DPP10: variants seen among roughly 807,000 people sequenced by gnomAD.
DPP10 encodes dipeptidyl peptidase like 10, also known as inactive dipeptidyl peptidase 10.
In DPP10, 33 loss-of-function variants were observed where a neutral mutation model predicts 120.9. That is an observed-to-expected ratio of 0.27 (90% confidence interval 0.21 to 0.37). The LOEUF (loss-of-function observed/expected upper bound fraction) is 0.37. Ranked by LOEUF, DPP10 falls within the 10% of genes least tolerant of loss-of-function variation. The probability of loss-of-function intolerance (pLI) is 1.00; values close to 1 mark genes in which losing one functional copy is unlikely to be tolerated. For missense variants in DPP10, 816 were observed against 942.8 expected (o/e 0.87, Z 1.76); for synonymous variants, 337 against 326.1 (o/e 1.03, Z -0.36).
intron 5 of DPP10, among the ~76,000 whole-genome samples, chr2:115,531,317 A>G (rs1265056731): frequency 7.2e-5 from 11 of 152,018 alleles, no homozygotes; most frequent in Admixed American, 7.2e-4. Flanking sequence ...AGTGATTCTG[A>G]TGCATTCAAG....
chr2:115,590,998 CACT>C (rs2082625706), intron 5 of DPP10, among the ~76,000 whole-genome samples: 1 of 152,110 alleles, frequency 6.6e-6, no homozygotes, highest in Non-Finnish European at 1.5e-5. Context: ...ATCCTTTGCC[CACT>C]TCTTGATGGG....
chr2:114,900,801 T>A (rs1693498596), intron 1 of DPP10, among the ~76,000 whole-genome samples: 1 of 152,224 alleles, frequency 6.6e-6, no homozygotes, highest in African/African-American at 2.4e-5. Context: ...CAAAATACTA[T>A]CTATGTAATC....
chr2:115,797,298 G>C (rs1167021596), intron 19 of DPP10, among the ~76,000 whole-genome samples: 1 of 151,926 alleles, frequency 6.6e-6, no homozygotes, highest in Non-Finnish European at 1.5e-5. Context: ...TTGTTTCATA[G>C]ATTCCTAGGG....
At chr2:115,703,007 G>A (rs536916425) in intron 7 of DPP10, among the ~76,000 whole-genome samples, 5 of 151,940 alleles carry the variant, frequency 3.3e-5, no homozygotes, top group African/African-American at 4.8e-5. Context: ...ATTGTAGAAC[G>A]TTTTGAAATT....
chr2:114,722,775 C>CAAAA (rs61497158), intron 1 of DPP10, among the ~76,000 whole-genome samples: 8 of 55,852 alleles, frequency 1.4e-4, no homozygotes, highest in Admixed American at 5.6e-4. Context: ...GGCTCTGTCT[C>CAAAA]AAAAAAAAAA....
At chr2:115,833,485 A>G (rs1689137169) in intron 21 of DPP10, among the ~76,000 whole-genome samples, 1 of 152,198 alleles carries the variant, frequency 6.6e-6, no homozygotes, top group South Asian at 2.1e-4. Context: ...TCTAGGGACA[A>G]CACTTTCAAG....
intron 1 of DPP10, among the ~76,000 whole-genome samples, chr2:115,057,978 AAG>A (rs949590529): frequency 8.5e-5 from 13 of 152,338 alleles, no homozygotes; most frequent in African/African-American, 3.1e-4. Flanking sequence ...AAGAAGGGCA[AAG>A]ATTGCCAAAG....
intron 1 of DPP10, among the ~76,000 whole-genome samples, chr2:115,142,903 G>C (rs764274627): frequency 2.6e-5 from 4 of 152,110 alleles, no homozygotes; most frequent in East Asian, 1.9e-4. Flanking sequence ...GCTGCTGCTG[G>C]TGGTGGTGGG....
chr2:115,621,048 A>G (rs749055538), intron 5 of DPP10, among the ~76,000 whole-genome samples: 7 of 152,216 alleles, frequency 4.6e-5, no homozygotes, highest in Admixed American at 3.9e-4. Flanking sequence ...CTGGGGATAG[A>G]AAGATCATGA....
chr2:114,535,524 T>C (rs1248771863), intron 1 of DPP10, among the ~76,000 whole-genome samples: 1 of 152,182 alleles, frequency 6.6e-6, no homozygotes, highest in Non-Finnish European at 1.5e-5. Context: ...TTATACACTT[T>C]TTCTTCTTCT....
intron 1 of DPP10, among the ~76,000 whole-genome samples, chr2:114,639,757 T>C (rs1573858813): frequency 6.6e-6 from 1 of 152,138 alleles, no homozygotes; most frequent in South Asian, 2.1e-4. Flanking sequence ...CTTCAAAAGA[T>C]ACTAGACAAT....
At chr2:115,256,791 T>G (rs6758309) in intron 1 of DPP10, among the ~76,000 whole-genome samples, 9,334 of 152,334 alleles carry the variant, frequency 0.061, 337 homozygotes, top group Middle Eastern at 0.11. Context: ...TTTTACACTC[T>G]TCTTCCTTCT....
chr2:114,877,221 A>G (rs951832639), intron 1 of DPP10, among the ~76,000 whole-genome samples: 11 of 152,090 alleles, frequency 7.2e-5, no homozygotes, highest in African/African-American at 2.7e-4. Flanking sequence ...ATGTGTGCAT[A>G]TTCTAAATTC....
At position 115,207,648 on chromosome 2, in the gene DPP10, G is replaced by T. The variant is rs541536878; in HGVS notation, c.61-101591G>T. On this transcript the variant is annotated intron_variant, in intron 1 of 25. Coordinates refer to ENST00000410059, the MANE Select transcript of DPP10 (RefSeq NM_020868.6). Reference sequence around the variant, plus strand: ...AGCATGTCCCTGTGATGCCACAGAGGGAAACTCAGTGAGACTAGAGCAGAG... The same window carrying T: ...AGCATGTCCCTGTGATGCCACAGAGTGAAACTCAGTGAGACTAGAGCAGAG... Among the ~76,000 whole-genome samples, 9 of 152,252 alleles carry T rather than the reference G, an allele frequency of 5.9e-5. 2 individuals are homozygous for T. In the South Asian group the frequency reaches 1.9e-3, roughly 32 times the overall value.
chr2:115,646,242 G>A (rs2087245860), intron 5 of DPP10, among the ~76,000 whole-genome samples: 1 of 152,144 alleles, frequency 6.6e-6, no homozygotes, highest in African/African-American at 2.4e-5. Context: ...CAGTGATGGA[G>A]ATCAGACTGT....
intron 5 of DPP10, among the ~76,000 whole-genome samples, chr2:115,561,671 C>T (rs2080684776): frequency 6.6e-6 from 1 of 151,886 alleles, no homozygotes. Flanking sequence ...AATTATTTAA[C>T]CAGTGTTGCA....
intron 1 of DPP10, among the ~76,000 whole-genome samples, chr2:114,722,281 G>GTAGTCA (rs1558671092): frequency 4.6e-5 from 7 of 151,970 alleles, no homozygotes; most frequent in African/African-American, 1.5e-4. Context: ...CACTATTTTT[G>GTAGTCA]TCAAGAATGA....
chr2:115,581,034 G>C (rs1349333424), intron 5 of DPP10, among the ~76,000 whole-genome samples: 1 of 152,094 alleles, frequency 6.6e-6, no homozygotes, highest in Non-Finnish European at 1.5e-5. Flanking sequence ...AAGCAAATAT[G>C]GTATCAGGAA....
At chr2:115,199,411 C>G (rs2055528341) in intron 1 of DPP10, among the ~76,000 whole-genome samples, 1 of 151,996 alleles carries the variant, frequency 6.6e-6, no homozygotes, top group Non-Finnish European at 1.5e-5. Flanking sequence ...CTTTTAAGCA[C>G]TCGGCATGAA....
Sources: allele counts gnomAD v4.1 joint callset (sites outside exome capture counted in the v4.1 genomes callset), GRCh38; gene constraint gnomAD v4.1.1; transcripts MANE v1.5; gene names NCBI Gene and HGNC (gene_info 2026-07-23, HGNC 2026-07-21).